Variants in TWIST2 observed in about 807,000 individuals in gnomAD.
The protein encoded by TWIST2 is twist family bHLH transcription factor 2.
Under a neutral mutation model 11.6 loss-of-function variants are expected in TWIST2, and 1 was observed. That is an observed-to-expected ratio of 0.09 (90% confidence interval 0.03 to 0.41). The LOEUF (loss-of-function observed/expected upper bound fraction) is 0.41. TWIST2 is among the 10% of genes least tolerant of loss of function. TWIST2 has a pLI of 0.98. For missense variants in TWIST2, 168 were observed against 226.4 expected (o/e 0.74, Z 1.66); for synonymous variants, 87 against 96.6 (o/e 0.90, Z 0.58).
intron 1 of TWIST2, among the ~76,000 whole-genome samples, chr2:238,892,199 G>A (rs935696490): frequency 1.3e-5 from 2 of 151,882 alleles, no homozygotes; most frequent in African/African-American, 4.8e-5. Context: ...GAGAGACTCC[G>A]GCTCACCTCA....
intron 1 of TWIST2, among the ~76,000 whole-genome samples, chr2:238,870,912 CCACA>C (rs1339208938): frequency 4.1e-5 from 2 of 49,262 alleles, no homozygotes; most frequent in East Asian, 9.2e-4. Flanking sequence ...CTCCCACACA[CCACA>C]CACACACCAC....
In TWIST2 at chr2:238,902,141, T is replaced by A. The variant is rs996516240; in HGVS notation, c.*36-7701T>A. ...GATCCTCACTTTTACCCCTCCAGGG[T>A]CCCCTGGCAGAACCTCAGGGGTGTG... On this transcript the variant is annotated intron_variant, in intron 1 of 1. Coordinates refer to ENST00000612363, the MANE Select transcript of TWIST2 (RefSeq NM_001271893.4). Among the ~76,000 whole-genome samples the A allele has an allele frequency of 2.2e-4, 33 of 152,100 alleles. 1 individual carries two copies. In the South Asian group the frequency reaches 6.8e-3, roughly 32 times the overall value.
chr2:238,884,393 C>T (rs907569405), intron 1 of TWIST2, among the ~76,000 whole-genome samples: 1 of 152,264 alleles, frequency 6.6e-6, no homozygotes, highest in African/African-American at 2.4e-5. Flanking sequence ...GGGCCGCTTC[C>T]CATGCGAGTG....
chr2:238,882,862 G>T (rs1305624775), intron 1 of TWIST2, among the ~76,000 whole-genome samples: 1 of 152,176 alleles, frequency 6.6e-6, no homozygotes, highest in Non-Finnish European at 1.5e-5. Context: ...GGGTTGCTCT[G>T]CTGGAAGCTG....
rs1692574046 is a variant in TWIST2 at position 238,867,984 on chromosome 2, C to G, written c.*35+19251C>G. 6.6e-6 allele frequency among the ~76,000 whole-genome samples: 1 copy of G among 152,174 alleles called. No homozygotes were observed. Among genetic ancestry groups the G allele is most frequent in the African/African-American group, 2.4e-5 (1 of 41,438 alleles). On this transcript the variant is annotated intron_variant, in intron 1 of 1. Coordinates refer to ENST00000612363, the MANE Select transcript of TWIST2 (RefSeq NM_001271893.4). This position sits in a 1 kb window ranked among gnomAD's most constrained non-coding sequence, Gnocchi z 4.8. ...GGCCACCCTCCTGCATGTAGTGAGG[C>G]TCGGGAAACGTGGAACGAAAGAAAG... is the stretch of plus-strand genomic sequence containing the variant.
In TWIST2 at chr2:238,866,173, C is replaced by T. The variant is rs569876998; in HGVS notation, c.*35+17440C>T. 1.3e-4 allele frequency among the ~76,000 whole-genome samples: 20 copies of T among 152,320 alleles called. No homozygotes were observed. The highest frequency in any genetic ancestry group is 1.0e-3 in the South Asian group (5 of 4,832). ...CAGGATGGCCAGGCCTGCCAGGCAC[C>T]GCCCAGGTTCCCCATGGCACGGGCC... On this transcript the variant is annotated intron_variant, in intron 1 of 1. Coordinates refer to ENST00000612363, the MANE Select transcript of TWIST2 (RefSeq NM_001271893.4). The surrounding 1 kb of genome is among the most constrained non-coding windows in gnomAD (Gnocchi z 4.9).
intron 1 of TWIST2, among the ~76,000 whole-genome samples, chr2:238,890,021 A>G (rs1693104330): frequency 6.6e-6 from 1 of 152,258 alleles, no homozygotes; most frequent in African/African-American, 2.4e-5. Flanking sequence ...CAGAGGTGCA[A>G]ATGGGCCAGG....
rs80233783 is a variant in TWIST2, at chr2:238,885,030, C to A, written c.*36-24812C>A. ...GTGGAGACACGTTTCTCCTGAGAAG[C>A]CTGGAGCGGGTGGGGGTCAGCCCTG... On this transcript the variant is annotated intron_variant, in intron 1 of 1. Coordinates refer to ENST00000612363, the MANE Select transcript of TWIST2 (RefSeq NM_001271893.4). Among the ~76,000 whole-genome samples, 879 of 152,332 alleles carry A rather than the reference C, an allele frequency of 5.8e-3. 8 individuals are homozygous for A. Among genetic ancestry groups the A allele is most frequent in the African/African-American group, 0.019 (810 of 41,570 alleles).
chr2:238,852,272 T>C lies in TWIST2; in HGVS notation c.*35+3539T>C, dbSNP rs1002051249. Among the ~76,000 whole-genome samples the C allele has an allele frequency of 2.6e-5, 4 of 152,256 alleles. No homozygotes were observed. The East Asian group carries it at 7.7e-4, about 29-fold the overall frequency. ...AAGCCAATTTTAAAGGCTGAACTTTTATGACGGTTTTTAAGCTTAGTATTT... is the reference window on the plus strand; with the variant it reads ...AAGCCAATTTTAAAGGCTGAACTTTCATGACGGTTTTTAAGCTTAGTATTT... On this transcript the variant is annotated intron_variant, in intron 1 of 1. Coordinates refer to ENST00000612363, the MANE Select transcript of TWIST2 (RefSeq NM_001271893.4).
chr2:238,872,853 G>C, intron 1 of TWIST2, among the ~76,000 whole-genome samples: 1 of 152,210 alleles, frequency 6.6e-6, no homozygotes, highest in South Asian at 2.1e-4. Context: ...TGCGTAGCTG[G>C]TATCATGTGG....
chr2:238,861,527 T>TGG (rs1692435645), intron 1 of TWIST2, among the ~76,000 whole-genome samples: 1 of 152,076 alleles, frequency 6.6e-6, no homozygotes, highest in South Asian at 2.1e-4. Context: ...TCGGCACCCT[T>TGG]AGGCGCCCGG....
At chr2:238,872,234 T>G (rs149389780) in intron 1 of TWIST2, among the ~76,000 whole-genome samples, 20 of 152,278 alleles carry the variant, frequency 1.3e-4, no homozygotes, top group Non-Finnish European at 2.2e-4. Flanking sequence ...TTGTTGCTCA[T>G]TTAACCTTAG....
At chr2:238,905,951 G>A (rs1438834646) in intron 1 of TWIST2, among the ~76,000 whole-genome samples, 2 of 113,956 alleles carry the variant, frequency 1.8e-5, no homozygotes, top group African/African-American at 7.0e-5. Context: ...GTGCGCGCGC[G>A]TGTGTACGTG....
intron 1 of TWIST2, among the ~76,000 whole-genome samples, chr2:238,857,397 C>G (rs1257597805): frequency 6.6e-6 from 1 of 152,194 alleles, no homozygotes; most frequent in East Asian, 1.9e-4. Context: ...GAAGTGGTAA[C>G]TCAGCATTGA....
At chr2:238,881,210 AGTC>A (rs1692919212) in intron 1 of TWIST2, among the ~76,000 whole-genome samples, 1 of 125,184 alleles carries the variant, frequency 8.0e-6, no homozygotes. Flanking sequence ...TGTTACTGTT[AGTC>A]TTAGTGTTAG....
chr2:238,896,057 T>TGTA (rs1309117046), intron 1 of TWIST2, among the ~76,000 whole-genome samples: 1 of 151,970 alleles, frequency 6.6e-6, no homozygotes, highest in Non-Finnish European at 1.5e-5. Context: ...GCCCCGGCGT[T>TGTA]GTAAATATGG....
chr2:238,887,812 C>G (rs116671371), intron 1 of TWIST2, among the ~76,000 whole-genome samples: 65 of 152,364 alleles, frequency 4.3e-4, no homozygotes, highest in African/African-American at 1.4e-3. Context: ...GGAGCAGAGT[C>G]CCTGCCAACC....
At chr2:238,872,602 C>T (rs140680234) in intron 1 of TWIST2, among the ~76,000 whole-genome samples, 1 of 152,196 alleles carries the variant, frequency 6.6e-6, no homozygotes, top group African/African-American at 2.4e-5. Context: ...TATGAGTCTT[C>T]AAGGTCATTC....
Position 238,866,214 on chromosome 2 carries a change from T to C in TWIST2, c.*35+17481T>C, listed in dbSNP as rs1227253062. Among the ~76,000 whole-genome samples, 3 of 152,200 alleles carry C rather than the reference T, an allele frequency of 2.0e-5. No homozygotes were observed. Among genetic ancestry groups the C allele is most frequent in the Admixed American group, 6.5e-5 (1 of 15,288 alleles). ...GGCACGGGCCCTGCCTGCTCTTCTG[T>C]GAGCTGCCTCTGAGCCCTGGGCACC... On this transcript the variant is annotated intron_variant, in intron 1 of 1. Coordinates refer to ENST00000612363, the MANE Select transcript of TWIST2 (RefSeq NM_001271893.4). The surrounding 1 kb of genome is among the most constrained non-coding windows in gnomAD (Gnocchi z 4.9).
Sources: allele counts gnomAD v4.1 joint callset (sites outside exome capture counted in the v4.1 genomes callset), GRCh38; gene constraint gnomAD v4.1.1; non-coding constraint Gnocchi (gnomAD v3.1); transcripts MANE v1.5; gene names NCBI Gene and HGNC (gene_info 2026-07-23, HGNC 2026-07-21).